CNTN4: variants seen among roughly 807,000 people sequenced by gnomAD.
CNTN4 encodes contactin 4, also known as contactin-4.
Under a neutral mutation model 122.5 loss-of-function variants are expected in CNTN4, and 77 were observed. The ratio of observed to expected loss-of-function variants is 0.63; its 90% confidence interval spans 0.52 to 0.76. The LOEUF (loss-of-function observed/expected upper bound fraction) is 0.76. Ranked by LOEUF, CNTN4 falls within the 30% of genes least tolerant of loss-of-function variation. The probability of loss-of-function intolerance (pLI) is 0.00; values close to 1 mark genes in which losing one functional copy is unlikely to be tolerated. For missense variants in CNTN4, 1,256 were observed against 1,259.1 expected (o/e 1.00, Z 0.04); for synonymous variants, 512 against 447.0 (o/e 1.15, Z -1.83).
intron 7 of CNTN4, among the ~76,000 whole-genome samples, chr3:2,830,164 C>G (rs1162059081): frequency 6.6e-6 from 1 of 152,112 alleles, no homozygotes; most frequent in Non-Finnish European, 1.5e-5. Flanking sequence ...CTTAATGATG[C>G]CCCTAATTAC....
intron 2 of CNTN4, among the ~76,000 whole-genome samples, chr3:2,202,151 GTT>G (rs1265070888): frequency 6.6e-6 from 1 of 152,024 alleles, no homozygotes; most frequent in Admixed American, 6.6e-5. Flanking sequence ...AAGAATTGCT[GTT>G]TCTACCTCTA....
intron 4 of CNTN4, among the ~76,000 whole-genome samples, chr3:2,628,311 G>A (rs558375025): frequency 1.5e-4 from 23 of 152,288 alleles, no homozygotes; most frequent in East Asian, 3.9e-4. Context: ...AGGAGGTGCC[G>A]CAGGAACACT....
chr3:2,362,263 G>T, intron 3 of CNTN4: 1 of 182,988 alleles, frequency 5.5e-6, no homozygotes, highest in South Asian at 1.0e-4. Context: ...GCAAGATGGT[G>T]GTGGCCGTGG....
intron 2 of CNTN4, among the ~76,000 whole-genome samples, chr3:2,111,015 T>A (rs1200065957): frequency 6.6e-6 from 1 of 152,218 alleles, no homozygotes; most frequent in East Asian, 1.9e-4. Context: ...GTGCTTAGAA[T>A]ACAGCATGAT....
chr3:2,628,906 C>T (rs2082309327), intron 4 of CNTN4, among the ~76,000 whole-genome samples: 1 of 152,132 alleles, frequency 6.6e-6, no homozygotes, highest in African/African-American at 2.4e-5. Context: ...TATAATTTGT[C>T]TGAGAAAAGC....
rs572919631 is a variant in CNTN4, at chr3:2,785,196, A to T, written c.359-34290A>T. Among the ~76,000 whole-genome samples the T allele has an allele frequency of 5.3e-5, 8 of 151,942 alleles. No individual in the cohort carries two copies. In the South Asian group the frequency reaches 1.2e-3, roughly 24 times the overall value. On this transcript the variant is annotated intron_variant, in intron 6 of 24. Transcript: ENST00000418658. Reference sequence around the variant, plus strand: ...TTAATATGATAAATTGGCTTACATGATTATGGAGTATGAAGTCCCATGACC... The same window carrying T: ...TTAATATGATAAATTGGCTTACATGTTTATGGAGTATGAAGTCCCATGACC...
chr3:2,265,499 C>T (rs192764319), intron 2 of CNTN4, among the ~76,000 whole-genome samples: 288 of 152,050 alleles, frequency 1.9e-3, no homozygotes, highest in African/African-American at 6.4e-3. Flanking sequence ...AGTATGATGC[C>T]TCTGCCTCCA....
chr3:2,745,827 T>C, intron 6 of CNTN4, 130 bp downstream of exon 6: 1 of 820,772 alleles, frequency 1.2e-6, no homozygotes, highest in Non-Finnish European at 2.0e-6. Flanking sequence ...TTACTCTTTT[T>C]CACATTTTGG....
chr3:2,715,489 A>C (rs80341907), intron 4 of CNTN4, among the ~76,000 whole-genome samples: 4 of 152,186 alleles, frequency 2.6e-5, no homozygotes, highest in Non-Finnish European at 5.9e-5. Flanking sequence ...AAAAAAGGGA[A>C]TATCAGGGGG....
intron 14 of CNTN4, among the ~76,000 whole-genome samples, chr3:3,021,824 A>G (rs2125600030): frequency 6.6e-6 from 1 of 152,338 alleles, no homozygotes; most frequent in South Asian, 2.1e-4. Flanking sequence ...TCACGCCTGT[A>G]ATCCCAGCAC....
chr3:2,334,053 C>G (rs755262331), intron 2 of CNTN4, among the ~76,000 whole-genome samples: 5 of 152,172 alleles, frequency 3.3e-5, no homozygotes, highest in Non-Finnish European at 7.3e-5. Context: ...TAAATGGTAA[C>G]TCTTACCTCT....
At chr3:2,117,718 A>T (rs1472273854) in intron 2 of CNTN4, among the ~76,000 whole-genome samples, 4 of 152,178 alleles carry the variant, frequency 2.6e-5, no homozygotes, top group Non-Finnish European at 5.9e-5. Flanking sequence ...GGACAAATAC[A>T]TATATTTTAC....
At chr3:2,913,615 A>C (rs1423509103) in intron 12 of CNTN4, among the ~76,000 whole-genome samples, 1 of 152,240 alleles carries the variant, frequency 6.6e-6, no homozygotes, top group Non-Finnish European at 1.5e-5. Context: ...CAAAGATGTA[A>C]CTGTTAGAAA....
intron 3 of CNTN4, among the ~76,000 whole-genome samples, chr3:2,347,317 C>G (rs760932700): frequency 7.4e-5 from 11 of 149,606 alleles, no homozygotes; most frequent in Non-Finnish European, 1.5e-4. Flanking sequence ...GCTCAGAAAG[C>G]TTCCTCCCGG....
intron 2 of CNTN4, among the ~76,000 whole-genome samples, chr3:2,198,898 C>T (rs902415602): frequency 1.5e-4 from 23 of 152,248 alleles, no homozygotes; most frequent in African/African-American, 4.3e-4. Context: ...ATATACCAGC[C>T]GAGGGCCACA....
chr3:2,984,867 A>G (rs1156432206), intron 13 of CNTN4, among the ~76,000 whole-genome samples: 1 of 152,246 alleles, frequency 6.6e-6, no homozygotes, highest in Non-Finnish European at 1.5e-5. Context: ...TTGAATTCTC[A>G]TATGCCAGTG....
chr3:2,121,017 A>G (rs12490084), intron 2 of CNTN4, among the ~76,000 whole-genome samples: 4 of 151,856 alleles, frequency 2.6e-5, no homozygotes, highest in African/African-American at 9.7e-5. Flanking sequence ...CTTTCTCTGC[A>G]TCTGAAGCCA....
At chr3:2,475,863 A>G (rs2151538355) in intron 3 of CNTN4, among the ~76,000 whole-genome samples, 1 of 152,156 alleles carries the variant, frequency 6.6e-6, no homozygotes, top group African/African-American at 2.4e-5. Context: ...CTCTTAACTC[A>G]TATGCTCTAC....
intron 2 of CNTN4, among the ~76,000 whole-genome samples, chr3:2,301,610 A>G (rs936072906): frequency 8.5e-5 from 13 of 152,206 alleles, no homozygotes; most frequent in Admixed American, 5.2e-4. Flanking sequence ...TTTGTAAGAA[A>G]TTTGATTATC....
Sources: gnomAD v4.1 joint callset for allele counts (sites outside exome capture counted in the v4.1 genomes callset) on GRCh38, gnomAD v4.1.1 for gene constraint, MANE v1.5 for transcripts, NCBI Gene and HGNC (gene_info 2026-07-23, HGNC 2026-07-21) for gene names.